DDX49: variants seen among roughly 807,000 people sequenced by gnomAD.
DDX49 encodes the protein DEAD-box helicase 49.
Under a neutral mutation model 56.3 loss-of-function variants are expected in DDX49, and 50 were observed. The observed-to-expected ratio is 0.89, with a 90% CI of 0.71 to 1.12. The LOEUF (loss-of-function observed/expected upper bound fraction) is 1.12. Ranked by LOEUF, DDX49 falls within the 50% of genes most tolerant of loss-of-function variation. The pLI is 0.00. For synonymous variants in DDX49, 269 were observed against 270.6 expected, an observed-to-expected ratio of 0.99 and a Z score of 0.06; for missense variants, 614 against 650.5, an observed-to-expected ratio of 0.94 and a Z score of 0.61.
chr19:18,919,843 C>T lies in DDX49; in HGVS notation c.102C>T (p.Pro34=), dbSNP rs778214045. Residue 34 remains proline, a synonymous_variant, in exon 1 of 13, where the codon CCC becomes CCT. Coordinates refer to ENST00000247003, the MANE Select transcript of DDX49 (RefSeq NM_019070.5). ...CGCCCGTGCAGCTCGGCTGCATCCC[C>T]GCCATCCTGGAGGGTGAGTATGGCC... ...QPTPVQLGCI[P]AILEGRDCLG... is the part of the protein sequence containing the mutation. 1.5e-5 allele frequency: 24 copies of T among 1,601,640 alleles called. No homozygotes were observed. Among genetic ancestry groups the T allele is most frequent in the Non-Finnish European group, 1.7e-5 (20 of 1,170,266 alleles).
intron 4 of DDX49, 113 bp downstream of exon 4, chr19:18,922,077 T>C: frequency 4.2e-6 from 6 of 1,417,714 alleles, no homozygotes; most frequent in Non-Finnish European, 5.7e-6. Flanking sequence ...TCCGTTAGAC[T>C]GTCCAGTAAA....
intron 1 of DDX49, 124 bp from the exon 2 acceptor site, chr19:18,920,456 C>T (rs2056905316): frequency 9.9e-7 from 1 of 1,013,508 alleles, no homozygotes; most frequent in African/African-American, 1.6e-5. Flanking sequence ...GTGGGCATCT[C>T]GGGTCAAATG....
intron 9 of DDX49, 81 bp downstream of exon 9, chr19:18,925,060 T>C (rs2056950389): frequency 6.7e-7 from 1 of 1,492,682 alleles, no homozygotes; most frequent in South Asian, 1.3e-5. Context: ...AGGACGTGGG[T>C]AGGGTGCAGC....
chr19:18,920,633 G>A lies in DDX49; in HGVS notation c.169G>A (p.Val57Ile), dbSNP rs759200566. 1.2e-5 allele frequency: 20 copies of A among 1,611,662 alleles called. No individual in the cohort carries two copies. Among genetic ancestry groups the A allele is most frequent in the Non-Finnish European group, 1.7e-5 (20 of 1,178,064 alleles). Residue 57 changes from valine (V) to isoleucine (I), a missense_variant, in exon 2 of 13, where the codon GTC becomes ATC. Physicochemically the swap from Val to Ile is conservative, Grantham distance 29. Coordinates refer to ENST00000247003, the MANE Select transcript of DDX49 (RefSeq NM_019070.5). ...KTGSGKTAAFVLPILQKLSED... is the reference protein window; with the variant it reads ...KTGSGKTAAFILPILQKLSED... ...AGGCAGTGGGAAGACAGCAGCGTTT[G>A]TCCTTCCCATCTTGCAGAAGCTGTC...
chr19:18,922,550 C>A (rs1435410998), intron 5 of DDX49, 37 bp downstream of exon 5: 2 of 1,597,880 alleles, frequency 1.3e-6, no homozygotes, highest in Non-Finnish European at 1.7e-6. Flanking sequence ...GGAGGGCAGC[C>A]CCATCCTACA....
At chr19:18,927,682 A>G in intron 10 of DDX49, 84 bp from the exon 11 acceptor site, 1 of 1,160,790 alleles carries the variant, frequency 8.6e-7, no homozygotes, top group South Asian at 1.3e-5. Context: ...ACCCCACAGC[A>G]TGGGGAACTC....
At chr19:18,923,428 G>A (rs993964643) in intron 6 of DDX49, among the ~76,000 whole-genome samples, 6 of 152,078 alleles carry the variant, frequency 3.9e-5, no homozygotes, top group African/African-American at 4.8e-5. Context: ...AAGGTGAGGC[G>A]GGAGAATCAC....
chr19:18,927,788 C>T lies in DDX49; in HGVS notation c.1125C>T (p.Ser375=), dbSNP rs201089108. The change falls in exon 11 of 13, where the codon TCC becomes TCT. Residue 375 remains serine (S), a synonymous_variant. Transcript: ENST00000247003. The stretch of plus-strand genomic sequence containing the variant: ...CAGAGAAGAAGCTGGAGGAGTTCTC[C>T]GTGGAAGAGGCCGAGGTGCTACAGA... The part of the protein sequence containing the change: ...EQIKKKLEEF[S]VEEAEVLQIL... 1.4e-4 allele frequency: 228 copies of T among 1,613,906 alleles called. 1 individual carries two copies. The highest frequency in any genetic ancestry group is 1.3e-3 in the Middle Eastern group (8 of 6,060).
In DDX49 at chr19:18,928,343, T is replaced by G. The variant is rs761155669; in HGVS notation, c.*27T>G. Reference sequence around the variant, plus strand: ...CCCCACACGGCCATCTGCCCAGTCCTTGACTCGTCCATGGAGCTGAGGGTC... The same window carrying G: ...CCCCACACGGCCATCTGCCCAGTCCGTGACTCGTCCATGGAGCTGAGGGTC... On this transcript the variant is annotated 3_prime_UTR_variant, in exon 13 of 13. Transcript: ENST00000247003. 1 of 1,484,236 alleles carries G rather than the reference T, an allele frequency of 6.7e-7. No individual in the cohort carries two copies. The highest frequency in any genetic ancestry group is 8.9e-7 in the Non-Finnish European group (1 of 1,118,476). 91.9% of individuals were successfully genotyped at this position (1,484,236 alleles called of 1,614,324 possible).
rs186759578 is a variant in DDX49 at position 18,928,368 on chromosome 19, C to T, written c.*52C>T. ...TTGACTCGTCCATGGAGCTGAGGGTCGGAGGAACCTTCCTTGGGGGCAGCA... is the reference window on the plus strand; with the variant it reads ...TTGACTCGTCCATGGAGCTGAGGGTTGGAGGAACCTTCCTTGGGGGCAGCA... On this transcript the variant is annotated 3_prime_UTR_variant, in exon 13 of 13. Coordinates refer to ENST00000247003, the MANE Select transcript of DDX49 (RefSeq NM_019070.5). The T allele has an allele frequency of 2.9e-4, 413 of 1,444,760 alleles. 4 individuals carry two copies. In the East Asian group the frequency reaches 7.0e-3, roughly 24 times the overall value. The allele number at this position is 1,444,760 out of a possible 1,614,324, so 89.5% of individuals were successfully genotyped here. A position where few individuals can be genotyped will look rare whatever the true frequency, so the allele number is the denominator to read the frequency against.
At chr19:18,927,740 C>A (rs767589778) in intron 10 of DDX49, 26 bp from the exon 11 acceptor site, 5 of 1,590,758 alleles carry the variant, frequency 3.1e-6, no homozygotes, top group African/African-American at 2.7e-5. Context: ...TCCCCACCCC[C>A]ACCCCCGGCT....
chr19:18,922,959 A>G (rs2056931760), intron 6 of DDX49, among the ~76,000 whole-genome samples: 1 of 152,154 alleles, frequency 6.6e-6, no homozygotes, highest in Non-Finnish European at 1.5e-5. Flanking sequence ...AAGGGCCAGG[A>G]AACCCCTGCA....
chr19:18,924,919 C>T lies in DDX49; in HGVS notation c.967C>T (p.His323Tyr), dbSNP rs774085094. Residue 323 changes from histidine to tyrosine, a missense_variant, in exon 9 of 13, where the codon CAC (histidine) becomes TAC (tyrosine). Transcript: ENST00000247003. ...CCCTACGGTACAGGTGGTCATCAAC[C>T]ACAACACCCCCGGGCTCCCCAAGAT... ...DIPTVQVVIN[H>Y]NTPGLPKIYI... The T allele has an allele frequency of 6.2e-7, 1 of 1,612,672 alleles. No individual in the cohort carries two copies. The highest frequency in any genetic ancestry group is 1.1e-5 in the South Asian group (1 of 91,056).
At chr19:18,921,989 C>T (rs1568328474) in intron 4 of DDX49, 25 bp downstream of exon 4, 4 of 1,588,494 alleles carry the variant, frequency 2.5e-6, no homozygotes, top group Non-Finnish European at 2.6e-6. Context: ...CCCCTGCAGA[C>T]CTCAGGAGCT....
At chr19:18,926,441 G>T in intron 10 of DDX49, 64 bp downstream of exon 10, 1 of 1,212,332 alleles carries the variant, frequency 8.2e-7, no homozygotes, top group Non-Finnish European at 1.2e-6. Flanking sequence ...GGGCACCTCG[G>T]GGTGAGACCC....
Position 18,919,875 on chromosome 19 carries a change from C to T in DDX49, c.115+19C>T. 4 of 1,549,332 alleles carry T rather than the reference C, an allele frequency of 2.6e-6. No homozygotes were observed. The highest frequency in any genetic ancestry group is 1.4e-5 in the African/African-American group (1 of 73,588). On this transcript the variant is annotated intron_variant, in intron 1 of 12. Transcript: ENST00000247003. ...CTGGAGGGTGAGTATGGCCCAGGGC[C>T]TTCCCCAAGAGGCCTCTCCGCTCCT...
rs2056929806 is a variant in DDX49 at position 18,922,756 on chromosome 19, C to T, written c.776+12C>T. 1.2e-6 allele frequency: 2 copies of T among 1,607,512 alleles called. No individual in the cohort carries two copies. The highest frequency in any genetic ancestry group is 1.7e-6 in the Non-Finnish European group (2 of 1,175,176). On this transcript the variant is annotated intron_variant, in intron 6 of 12. Coordinates refer to ENST00000247003, the MANE Select transcript of DDX49 (RefSeq NM_019070.5). ...ACCAACACGTGCAAGTGAGCGGGGCCCGCCTCTCCCCTCCCACCGCCCTTC... is the reference window on the plus strand; with the variant it reads ...ACCAACACGTGCAAGTGAGCGGGGCTCGCCTCTCCCCTCCCACCGCCCTTC...
intron 2 of DDX49, among the ~76,000 whole-genome samples, chr19:18,921,081 C>T (rs370094376): frequency 6.6e-6 from 1 of 151,266 alleles, no homozygotes; most frequent in South Asian, 2.1e-4. Flanking sequence ...GCGGAGGTTG[C>T]GGTGAGCCAA....
chr19:18,924,183 T>G (rs2056941711), intron 6 of DDX49, 50 bp from the exon 7 acceptor site: 9 of 1,591,856 alleles, frequency 5.7e-6, no homozygotes, highest in African/African-American at 1.3e-5. Context: ...AGGAACACCT[T>G]CCCAGAACCT....
Sources: allele counts gnomAD v4.1 joint callset (sites outside exome capture counted in the v4.1 genomes callset), GRCh38; gene constraint gnomAD v4.1.1; transcripts MANE v1.5; gene names NCBI Gene and HGNC (gene_info 2026-07-23, HGNC 2026-07-21).